The following LRSAM1 variants were observed in gnomAD, a reference collection of about 807,000 sequenced individuals.
LRSAM1 encodes E3 ubiquitin-protein ligase LRSAM1.
In LRSAM1, 96 loss-of-function variants were observed where a neutral mutation model predicts 118.1. The ratio of observed to expected loss-of-function variants is 0.81; its 90% CI spans 0.69 to 0.96. The LOEUF is 0.96. Ranked by LOEUF, LRSAM1 falls within the 40% of genes least tolerant of loss-of-function variation. The pLI is 0.00. For synonymous variants in LRSAM1, 322 were observed against 364.2 expected (o/e 0.88, Z 1.32); for missense variants, 804 against 915.5 (o/e 0.88, Z 1.57).
intron 7 of LRSAM1, among the ~76,000 whole-genome samples, chr9:127,460,818 G>A (rs1834706856): frequency 6.8e-6 from 1 of 147,650 alleles, no homozygotes; most frequent in African/African-American, 2.5e-5. Flanking sequence ...CTGTGTGTGG[G>A]TTCTCGTGTC....
Position 127,452,031 on chromosome 9 carries a change from C to T in LRSAM1, c.-86C>T, listed in dbSNP as rs780574219. On this transcript the variant is annotated 5_prime_UTR_variant, in exon 2 of 26. Transcript: ENST00000300417. ...AAGCCCTCCGAGTGATCGGCCTGCCCTCGGGTGCACCCGCGGGTCCCAACG... is the reference window on the plus strand; with the variant it reads ...AAGCCCTCCGAGTGATCGGCCTGCCTTCGGGTGCACCCGCGGGTCCCAACG... 1 of 152,246 alleles carries T rather than the reference C, an allele frequency of 6.6e-6. No individual in the cohort carries two copies. Among genetic ancestry groups the T allele is most frequent in the African/African-American group, 2.4e-5 (1 of 41,456 alleles). The allele number at this position is 152,246 out of a possible 1,614,324, so 9.4% of individuals were successfully genotyped here.
chr9:127,454,048 T>C (rs1834421098), intron 2 of LRSAM1: 1 of 287,924 alleles, frequency 3.5e-6, no homozygotes, highest in South Asian at 3.1e-5. Flanking sequence ...TGGAACTCAA[T>C]AGAAAGACGC....
At chr9:127,499,797 A>G (rs2488903) in intron 24 of LRSAM1, among the ~76,000 whole-genome samples, 96,246 of 151,504 alleles carry the variant, frequency 0.64, 30,878 homozygotes, top group Non-Finnish European at 0.66. Context: ...GCGTGTGCCT[A>G]TAGTCCCAGA....
At chr9:127,484,810 C>CTTT (rs1376461812) in intron 16 of LRSAM1, among the ~76,000 whole-genome samples, 1 of 135,184 alleles carries the variant, frequency 7.4e-6, no homozygotes, top group African/African-American at 2.8e-5. Flanking sequence ...TTCTTTTTTT[C>CTTT]TTTTTTTTTT....
intron 20 of LRSAM1, 131 bp downstream of exon 20, chr9:127,491,426 C>T: frequency 1.3e-6 from 1 of 741,238 alleles, no homozygotes; most frequent in Non-Finnish European, 2.4e-6. Context: ...GAGGGCAGAG[C>T]TCCTCTGTGG....
At chr9:127,491,329 C>T (rs766778915) in intron 20 of LRSAM1, 34 bp downstream of exon 20, 22 of 1,556,330 alleles carry the variant, frequency 1.4e-5, no homozygotes, top group South Asian at 4.4e-5. Context: ...CCCTCCTTCA[C>T]GTGGTGAGAC....
At chr9:127,485,636 G>T (rs995218119) in intron 16 of LRSAM1, 100 bp from the exon 17 acceptor site, 4 of 1,067,252 alleles carry the variant, frequency 3.7e-6, no homozygotes, top group African/African-American at 1.6e-5. Flanking sequence ...AGGCCTCAAG[G>T]CCTGTTCCTC....
chr9:127,482,648 C>T (rs1367267099), intron 15 of LRSAM1, among the ~76,000 whole-genome samples: 1 of 152,194 alleles, frequency 6.6e-6, no homozygotes, highest in Non-Finnish European at 1.5e-5. Flanking sequence ...CTTTAGTTAC[C>T]AGTAATGTTA....
chr9:127,460,487 A>G (rs1834694663), intron 7 of LRSAM1, among the ~76,000 whole-genome samples: 1 of 152,216 alleles, frequency 6.6e-6, no homozygotes, highest in Admixed American at 6.5e-5. Context: ...GGCCAGGGGA[A>G]CTAGAGCCTC....
At chr9:127,458,578 TCAAAATAAAA>T (rs1419184170) in intron 6 of LRSAM1, among the ~76,000 whole-genome samples, 39 of 152,144 alleles carry the variant, frequency 2.6e-4, no homozygotes, top group African/African-American at 9.2e-4. Flanking sequence ...AGACTCTGTC[TCAAAATAAAA>T]CAAAATAAAA....
At chr9:127,474,789 G>A (rs78732326) in intron 11 of LRSAM1, among the ~76,000 whole-genome samples, 5,686 of 152,272 alleles carry the variant, frequency 0.037, 162 homozygotes, top group Non-Finnish European at 0.057. Flanking sequence ...GTCAGGTCCT[G>A]GCGACAAGCT....
At chr9:127,478,793 C>T in intron 11 of LRSAM1, 141 bp from the exon 12 acceptor site, 1 of 800,580 alleles carries the variant, frequency 1.2e-6, no homozygotes, top group Non-Finnish European at 2.1e-6. Flanking sequence ...CCCTCATCCC[C>T]CGACCCCACC....
intron 10 of LRSAM1, chr9:127,471,095 T>C (rs1435142006): frequency 2.0e-5 from 3 of 152,014 alleles, no homozygotes; most frequent in African/African-American, 4.8e-5. Context: ...GCCACACATA[T>C]GCAAATTAGA....
At chr9:127,458,280 G>A (rs1290182535) in intron 6 of LRSAM1, among the ~76,000 whole-genome samples, 5 of 152,084 alleles carry the variant, frequency 3.3e-5, no homozygotes, top group African/African-American at 4.8e-5. Flanking sequence ...TACTCGGGAG[G>A]CTGAGGCAGG....
At chr9:127,469,665 T>TA (rs1183603115) in intron 10 of LRSAM1, among the ~76,000 whole-genome samples, 1 of 143,930 alleles carries the variant, frequency 6.9e-6, no homozygotes, top group Non-Finnish European at 1.5e-5. Flanking sequence ...CAACCAGAAA[T>TA]AAAAAAACAA....
At chr9:127,501,407 A>G (rs978335684) in intron 25 of LRSAM1, among the ~76,000 whole-genome samples, 2 of 152,066 alleles carry the variant, frequency 1.3e-5, no homozygotes, top group South Asian at 2.1e-4. Context: ...TGAAATATCA[A>G]CAACATGATT....
Position 127,479,522 on chromosome 9 carries a change from C to T in LRSAM1, c.903+17C>T, listed in dbSNP as rs773871374. 1 of 1,613,220 alleles carries T rather than the reference C, an allele frequency of 6.2e-7. No homozygotes were observed. The highest frequency in any genetic ancestry group is 2.2e-5 in the East Asian group (1 of 44,866). The stretch of plus-strand genomic sequence containing the variant: ...GTCAAGGAGGTTTGTGAGCCGCCTG[C>T]TAGGGTCCAGCCTGGCTGCATCCCC... On this transcript the variant is annotated intron_variant, in intron 13 of 25. Transcript: ENST00000300417.
At chr9:127,479,623 C>A in intron 13 of LRSAM1, 118 bp downstream of exon 13, 3 of 1,484,408 alleles carry the variant, frequency 2.0e-6, no homozygotes, top group Non-Finnish European at 2.8e-6. Context: ...TCACTTCCTT[C>A]TGTCCCCCAG....
At chr9:127,489,758 C>T (rs1197042639) in intron 19 of LRSAM1, among the ~76,000 whole-genome samples, 6 of 152,180 alleles carry the variant, frequency 3.9e-5, no homozygotes, top group Non-Finnish European at 8.8e-5. Flanking sequence ...GCCAGCGAGG[C>T]GGGTCTCCAC....
Sources: allele counts gnomAD v4.1 joint callset (sites outside exome capture counted in the v4.1 genomes callset), GRCh38; gene constraint gnomAD v4.1.1; transcripts MANE v1.5; gene names NCBI Gene and HGNC (gene_info 2026-07-23, HGNC 2026-07-21).